Variants in CIMAP2 observed in about 807,000 individuals in gnomAD.
The protein encoded by CIMAP2 is ciliary microtubule associated protein 2.
At chr1:54,841,474 C>G in the CIMAP2 span, 1 of 1,360,864 alleles carries the variant, frequency 7.3e-7, no homozygotes, top group South Asian at 1.4e-5. Context: ...GTTCCCTCCT[C>G]TCTCTGGTCC....
At chr1:54,811,739 A>G in the CIMAP2 span, 4 of 1,388,908 alleles carry the variant, frequency 2.9e-6, no homozygotes, top group African/African-American at 1.4e-5. Context: ...CCTCAGGCAC[A>G]CTCAGCACAA....
At chr1:54,830,541 T>C in the CIMAP2 span, among the ~76,000 whole-genome samples, 3 of 152,166 alleles carry the variant, frequency 2.0e-5, no homozygotes, top group Non-Finnish European at 4.4e-5. The surrounding 1 kb of genome is among the most constrained non-coding windows in gnomAD (Gnocchi z 4.1). Flanking sequence ...ATTTTAAATA[T>C]GGTACTCATG....
the CIMAP2 span, among the ~76,000 whole-genome samples, chr1:54,810,597 G>A: frequency 3.0e-3 from 461 of 152,288 alleles, 1 homozygote; most frequent in African/African-American, 0.01. Flanking sequence ...CCCCAGGGCC[G>A]GGTTCCAGGC....
the CIMAP2 span, among the ~76,000 whole-genome samples, chr1:54,827,444 C>T: frequency 3.8e-4 from 58 of 152,334 alleles, no homozygotes; most frequent in African/African-American, 1.1e-3. Flanking sequence ...CCTGTGTTCT[C>T]CTCCTGGACA....
chr1:54,837,585 A>T, the CIMAP2 span, among the ~76,000 whole-genome samples: 5 of 152,064 alleles, frequency 3.3e-5, no homozygotes, highest in Non-Finnish European at 7.4e-5. Context: ...ATGGTGCCAG[A>T]CTCTCCTGCC....
the CIMAP2 span, chr1:54,811,773 G>GCCCCCTCCCC: frequency 7.5e-7 from 1 of 1,325,050 alleles, no homozygotes. Flanking sequence ...CAGCCTCCAT[G>GCCCCCTCCCC]CCCCCACCCC....
chr1:54,811,754 TG>T, the CIMAP2 span: 1 of 1,362,266 alleles, frequency 7.3e-7, no homozygotes, highest in Non-Finnish European at 1.0e-6. Flanking sequence ...GCACAAGGAG[TG>T]GTTCTGACAG....
the CIMAP2 span, among the ~76,000 whole-genome samples, chr1:54,836,513 G>A: frequency 1.3e-5 from 2 of 151,734 alleles, no homozygotes; most frequent in Non-Finnish European, 1.5e-5. Flanking sequence ...AGAAACGTTG[G>A]CCTTGGATGG....
chr1:54,841,034 G>A, the CIMAP2 span, among the ~76,000 whole-genome samples: 19 of 152,340 alleles, frequency 1.2e-4, no homozygotes, highest in Middle Eastern at 3.4e-3. Context: ...GCCAGGGGCC[G>A]TGGGCATGGT....
chr1:54,811,917 C>T, the CIMAP2 span: 250 of 1,614,114 alleles, frequency 1.5e-4, no homozygotes, highest in African/African-American at 2.7e-3. Flanking sequence ...CAAGCCACAC[C>T]CCCGGCCTCA....
chr1:54,825,290 A>G, the CIMAP2 span, among the ~76,000 whole-genome samples: 2 of 151,608 alleles, frequency 1.3e-5, no homozygotes, highest in African/African-American at 4.9e-5. Context: ...TGACCTCGTG[A>G]TCCTCCCGCC....
the CIMAP2 span, among the ~76,000 whole-genome samples, chr1:54,819,287 C>T: frequency 6.6e-6 from 1 of 152,228 alleles, no homozygotes; most frequent in Non-Finnish European, 1.5e-5. Context: ...TGTCTGCCTA[C>T]ATTCCACTGT....
At chr1:54,831,053 A>G in the CIMAP2 span, among the ~76,000 whole-genome samples, 1 of 152,218 alleles carries the variant, frequency 6.6e-6, no homozygotes, top group African/African-American at 2.4e-5. Flanking sequence ...TTTCAAAGGT[A>G]AAATAAAAAT....
chr1:54,839,399 G>GAA, the CIMAP2 span, among the ~76,000 whole-genome samples: 1 of 149,698 alleles, frequency 6.7e-6, no homozygotes, highest in South Asian at 2.1e-4. Context: ...TTTCGAGACA[G>GAA]TTTTATTTTG....
the CIMAP2 span, among the ~76,000 whole-genome samples, chr1:54,841,292 A>G: frequency 6.6e-6 from 1 of 152,234 alleles, no homozygotes; most frequent in African/African-American, 2.4e-5. Context: ...TTTGACACAC[A>G]CAGCAAGGGG....
chr1:54,836,178 A>C, the CIMAP2 span, among the ~76,000 whole-genome samples: 1 of 151,920 alleles, frequency 6.6e-6, no homozygotes, highest in Non-Finnish European at 1.5e-5. Flanking sequence ...AACTGGGCTT[A>C]ACTCCAAGGG....
chr1:54,808,182 C>T, the CIMAP2 span, among the ~76,000 whole-genome samples: 1 of 152,180 alleles, frequency 6.6e-6, no homozygotes, highest in Admixed American at 6.5e-5. Context: ...GTGACGAAGA[C>T]AATGTCCCTG....
chr1:54,811,765 G>GGGGGGGGGGGGGGGGGCCCCCCCCCCCC, the CIMAP2 span: 1 of 1,301,330 alleles, frequency 7.7e-7, no homozygotes, highest in Non-Finnish European at 1.1e-6. Context: ...GGTTCTGACA[G>GGGGGGGGGGGGGGGGGCCCCCCCCCCCC]CCTCCATGCC....
chr1:54,828,860 T>C, the CIMAP2 span, among the ~76,000 whole-genome samples: 1 of 152,170 alleles, frequency 6.6e-6, no homozygotes, highest in African/African-American at 2.4e-5. Context: ...TATTAAATCT[T>C]CCCAGTGATG....
Sources: gnomAD v4.1 joint callset for allele counts (sites outside exome capture counted in the v4.1 genomes callset) on GRCh38, gnomAD v4.1.1 for gene constraint, Gnocchi (gnomAD v3.1) non-coding constraint, MANE v1.5 for transcripts, NCBI Gene and HGNC (gene_info 2026-07-23, HGNC 2026-07-21) for gene names.